DUSP11: variants seen among roughly 807,000 people sequenced by gnomAD.
DUSP11 encodes RNA/RNP complex-1-interacting phosphatase.
A neutral mutation model predicts 41.4 loss-of-function variants in DUSP11; 27 were observed. That is an observed-to-expected ratio of 0.65 (90% CI 0.48 to 0.90). DUSP11 has a LOEUF of 0.90. Among genes scored for constraint, DUSP11 ranks in the 40% least tolerant of loss-of-function variants. The pLI is 0.00. For missense variants in DUSP11, 465 were observed against 461.1 expected (o/e 1.01, Z -0.08); for synonymous variants, 188 against 159.3 (o/e 1.18, Z -1.35).
intron 7 of DUSP11, 79 bp from the exon 8 acceptor site, chr2:73,766,673 G>A: frequency 6.8e-7 from 1 of 1,462,682 alleles, no homozygotes; most frequent in East Asian, 2.3e-5. Flanking sequence ...TTTGGCATAT[G>A]AAAATAACAA....
At chr2:73,766,690 C>T in intron 7 of DUSP11, 96 bp from the exon 8 acceptor site, 2 of 1,411,856 alleles carry the variant, frequency 1.4e-6, no homozygotes, top group Non-Finnish European at 1.9e-6. Flanking sequence ...ACAATTTCTT[C>T]CTTCTCCCAT....
intron 1 of DUSP11, 48 bp from the exon 2 acceptor site, chr2:73,778,424 C>T (rs756633153): frequency 9.5e-6 from 12 of 1,262,442 alleles, no homozygotes; most frequent in Non-Finnish European, 1.3e-5. Flanking sequence ...AGCCTTGTTT[C>T]CTTGCACAAA....
intron 5 of DUSP11, chr2:73,768,686 G>C (rs1273715934): frequency 5.1e-6 from 5 of 985,204 alleles, no homozygotes; most frequent in Non-Finnish European, 6.0e-6. Flanking sequence ...GCCAGGCGCG[G>C]TGGCTCACTC....
intron 8 of DUSP11, among the ~76,000 whole-genome samples, chr2:73,765,143 T>C (rs1016085435): frequency 5.9e-5 from 9 of 152,050 alleles, no homozygotes; most frequent in Non-Finnish European, 1.2e-4. Context: ...GGTGTGTGAG[T>C]GGGTGGACTG....
chr2:73,779,832 C>T, intron 1 of DUSP11, 42 bp downstream of exon 1: 1 of 1,609,222 alleles, frequency 6.2e-7, no homozygotes, highest in Non-Finnish European at 8.5e-7. Context: ...ACCCAGAAGC[C>T]ACGAGCTGGA....
chr2:73,775,524 A>G (rs889261616), intron 2 of DUSP11, among the ~76,000 whole-genome samples: 1 of 146,820 alleles, frequency 6.8e-6, no homozygotes, highest in Non-Finnish European at 1.5e-5. Context: ...GACTACAGGC[A>G]TGAACCACCA....
intron 2 of DUSP11, among the ~76,000 whole-genome samples, chr2:73,777,014 T>G (rs756734886): frequency 1.3e-5 from 2 of 152,204 alleles, no homozygotes; most frequent in Non-Finnish European, 2.9e-5. Context: ...AGGGTCTTGC[T>G]CTGTTGCCCA....
At chr2:73,779,661 C>G (rs745849613) in intron 1 of DUSP11, 75 of 730,914 alleles carry the variant, frequency 1.0e-4, no homozygotes, top group Non-Finnish European at 1.6e-4. Context: ...GCCAGAACCT[C>G]CCTTTTACAA....
chr2:73,779,969 G>A, exon 1 of DUSP11: 1 of 1,614,240 alleles, frequency 6.2e-7, no homozygotes, highest in Non-Finnish European at 8.5e-7. Context: ...GATGCCACTG[G>A]CTCATGTGGG....
intron 2 of DUSP11, among the ~76,000 whole-genome samples, chr2:73,776,698 T>A (rs1322576433): frequency 6.6e-6 from 1 of 152,144 alleles, no homozygotes; most frequent in East Asian, 1.9e-4. Flanking sequence ...ACAAAAAAAA[T>A]GAGAGAAAGA....
At chr2:73,766,968 T>A in intron 6 of DUSP11, 65 bp from the exon 7 acceptor site, 2 of 1,461,232 alleles carry the variant, frequency 1.4e-6, no homozygotes, top group South Asian at 1.2e-5. Flanking sequence ...AAAAAGCAAA[T>A]TAAGCTGAAA....
chr2:73,778,532 T>C (rs1197294259), intron 1 of DUSP11, among the ~76,000 whole-genome samples, 156 bp from the exon 2 acceptor site: 1 of 152,060 alleles, frequency 6.6e-6, no homozygotes, highest in African/African-American at 2.4e-5. Context: ...CCCCACCAAG[T>C]AACGACCTAT....
At chr2:73,779,778 G>A in intron 1 of DUSP11, 96 bp downstream of exon 1, 4 of 1,555,138 alleles carry the variant, frequency 2.6e-6, no homozygotes, top group Non-Finnish European at 3.5e-6. Context: ...TCAAGCTTGC[G>A]ATGGCAACGG....
At chr2:73,774,483 T>G in intron 3 of DUSP11, among the ~76,000 whole-genome samples, 1 of 152,202 alleles carries the variant, frequency 6.6e-6, no homozygotes, top group East Asian at 1.9e-4. Context: ...CACCACTGTC[T>G]ATACCCAAAA....
At chr2:73,779,966 C>G (rs778003893) in exon 1 of DUSP11, 1 of 1,614,252 alleles carries the variant, frequency 6.2e-7, no homozygotes, top group Non-Finnish European at 8.5e-7. Flanking sequence ...GATGATGCCA[C>G]TGGCTCATGT....
exon 5 of DUSP11, chr2:73,769,283 G>T (rs750614115): frequency 1.9e-6 from 3 of 1,613,736 alleles, no homozygotes; most frequent in Non-Finnish European, 2.5e-6. Flanking sequence ...GAGGTAGCCA[G>T]TCCTGTTTAA....
At chr2:73,778,942 G>A (rs1217379417) in intron 1 of DUSP11, among the ~76,000 whole-genome samples, 3 of 152,136 alleles carry the variant, frequency 2.0e-5, no homozygotes, top group African/African-American at 7.2e-5. Context: ...GAGGTCAGGA[G>A]TTCGAGACCA....
chr2:73,773,952 AT>A (rs750081564), intron 3 of DUSP11, 29 bp from the exon 4 acceptor site: 1 of 1,525,594 alleles, frequency 6.6e-7, no homozygotes, highest in Non-Finnish European at 8.9e-7. Context: ...AAAGATGTGT[AT>A]TATTTCACTT....
exon 9 of DUSP11, chr2:73,762,805 A>C: frequency 1.2e-6 from 2 of 1,611,054 alleles, no homozygotes; most frequent in Admixed American, 1.7e-5. Context: ...CTCCAGGGGG[A>C]CCAGGAGGAG....
Sources: gnomAD v4.1 joint callset for allele counts (sites outside exome capture counted in the v4.1 genomes callset) on GRCh38, gnomAD v4.1.1 for gene constraint, MANE v1.5 for transcripts, NCBI Gene and HGNC (gene_info 2026-07-23, HGNC 2026-07-21) for gene names.